TMEM182: variants seen among roughly 807,000 people sequenced by gnomAD.
TMEM182 encodes transmembrane protein 182.
Under a neutral mutation model 26.8 loss-of-function variants are expected in TMEM182, and 20 were observed. The observed-to-expected ratio is 0.75, with a 90% CI of 0.53 to 1.09. The LOEUF (loss-of-function observed/expected upper bound fraction) is 1.09. Ranked by LOEUF, TMEM182 falls within the 50% of genes least tolerant of loss-of-function variation. The pLI, the probability that TMEM182 is intolerant of heterozygous loss-of-function variation, is 0.00. For synonymous variants in TMEM182, 109 were observed against 102.2 expected, an observed-to-expected ratio of 1.07 and a Z score of -0.40; for missense variants, 277 against 275.5, an observed-to-expected ratio of 1.01 and a Z score of -0.04.
chr2:102,751,390 A>G (rs1043100947), intron 1 of TMEM182, among the ~76,000 whole-genome samples: 19 of 152,088 alleles, frequency 1.2e-4, no homozygotes, highest in Admixed American at 1.0e-3. Flanking sequence ...GGGCTGTGTC[A>G]TCTGCTGCCT....
intron 4 of TMEM182, among the ~76,000 whole-genome samples, chr2:102,804,122 TC>T (rs1682259291): frequency 6.6e-6 from 1 of 152,206 alleles, no homozygotes; most frequent in African/African-American, 2.4e-5. Flanking sequence ...TTCTTTTTTT[TC>T]CTTCACATTT....
At chr2:102,838,973 G>A (rs1449662132) in intron 3 of TMEM182, among the ~76,000 whole-genome samples, 1 of 152,224 alleles carries the variant, frequency 6.6e-6, no homozygotes, top group Non-Finnish European at 1.5e-5. Context: ...TTTCATCTGA[G>A]TGAATACCAT....
chr2:102,780,191 AT>A (rs1305734226), intron 3 of TMEM182, among the ~76,000 whole-genome samples: 1 of 151,844 alleles, frequency 6.6e-6, no homozygotes, highest in African/African-American at 2.4e-5. Flanking sequence ...ATTACTAATG[AT>A]TTTTTTATTG....
At chr2:102,835,178 A>G (rs1245270976) in intron 3 of TMEM182, among the ~76,000 whole-genome samples, 3 of 152,228 alleles carry the variant, frequency 2.0e-5, no homozygotes, top group Admixed American at 6.5e-5. Flanking sequence ...GGAGGCCAGG[A>G]TAATACAAAT....
chr2:102,824,803 G>A (rs1165625211), intron 3 of TMEM182, among the ~76,000 whole-genome samples: 1 of 152,140 alleles, frequency 6.6e-6, no homozygotes, highest in Non-Finnish European at 1.5e-5. Context: ...CTCCAGCCTG[G>A]TGACAGAGCA....
At chr2:102,773,286 T>A (rs1680759820) in intron 3 of TMEM182, among the ~76,000 whole-genome samples, 1 of 151,814 alleles carries the variant, frequency 6.6e-6, no homozygotes, top group African/African-American at 2.4e-5. Flanking sequence ...GCTTGGCCGA[T>A]TACACAGTAG....
chr2:102,753,524 T>A (rs1679940093), intron 1 of TMEM182, among the ~76,000 whole-genome samples: 1 of 139,234 alleles, frequency 7.2e-6, no homozygotes, highest in African/African-American at 2.8e-5. Context: ...GTTGTTCTAC[T>A]ATATGTATTT....
At chr2:102,779,146 G>A (rs1423005494) in intron 3 of TMEM182, among the ~76,000 whole-genome samples, 1 of 151,916 alleles carries the variant, frequency 6.6e-6, no homozygotes, top group East Asian at 1.9e-4. Flanking sequence ...AAAATGTTAT[G>A]CCACTTTTTC....
intron 3 of TMEM182, among the ~76,000 whole-genome samples, chr2:102,795,125 A>G (rs1681814541): frequency 6.6e-6 from 1 of 152,120 alleles, no homozygotes; most frequent in Non-Finnish European, 1.5e-5. Flanking sequence ...GTGTTTTCTA[A>G]TTCTAAAATT....
intron 3 of TMEM182, among the ~76,000 whole-genome samples, chr2:102,829,236 G>T (rs1353652231): frequency 6.6e-6 from 1 of 152,150 alleles, no homozygotes; most frequent in South Asian, 2.1e-4. Context: ...AGGCTTAGGG[G>T]ACAGTCATGT....
chr2:102,740,035 T>G (rs1679499480), intron 1 of TMEM182, among the ~76,000 whole-genome samples: 1 of 152,118 alleles, frequency 6.6e-6, no homozygotes, highest in South Asian at 2.1e-4. Context: ...CTGAAAAATA[T>G]TGCTCAGAAA....
chr2:102,750,055 C>T (rs944294304), intron 1 of TMEM182, among the ~76,000 whole-genome samples: 21 of 150,834 alleles, frequency 1.4e-4, no homozygotes, highest in African/African-American at 4.9e-4. Flanking sequence ...TTAAATGAAG[C>T]AGGAAAAGAT....
In TMEM182 at chr2:102,764,328, G is replaced by T. The variant is rs1553437680; in HGVS notation, c.233-1G>T. 30 of 1,613,620 alleles carry T rather than the reference G, an allele frequency of 1.9e-5. No individual in the cohort carries two copies. The highest frequency in any genetic ancestry group is 2.5e-5 in the Non-Finnish European group (30 of 1,179,764). On this transcript the variant is annotated splice_acceptor_variant, in intron 2 of 4. Coordinates refer to ENST00000412401, the MANE Select transcript of TMEM182 (RefSeq NM_144632.5). LOFTEE classifies it high-confidence loss of function. ...TGCCATTGTTTTGCTGTTCTTCCTA[G>T]CCAATCAGCCACCGTCCAAGAACTG...
intron 3 of TMEM182, among the ~76,000 whole-genome samples, chr2:102,822,752 G>C (rs1458546274): frequency 1.3e-5 from 2 of 152,134 alleles, no homozygotes; most frequent in Non-Finnish European, 2.9e-5. Flanking sequence ...GAAGTGGATG[G>C]TGTGAAGAGG....
intron 3 of TMEM182, chr2:102,843,353 G>A (rs917833960): frequency 3.3e-5 from 5 of 152,064 alleles, no homozygotes; most frequent in East Asian, 3.8e-4. Flanking sequence ...CATAATTCTC[G>A]GTCATAATTT....
chr2:102,750,979 C>T (rs1679859814), intron 1 of TMEM182, among the ~76,000 whole-genome samples: 1 of 152,156 alleles, frequency 6.6e-6, no homozygotes, highest in African/African-American at 2.4e-5. Context: ...ATATAGCCGC[C>T]TTCTTGCTGT....
intron 3 of TMEM182, among the ~76,000 whole-genome samples, chr2:102,797,455 T>C (rs1353089950): frequency 6.6e-6 from 1 of 152,176 alleles, no homozygotes; most frequent in African/African-American, 2.4e-5. Context: ...TTGTAAATAA[T>C]GTGAATGCAT....
At chr2:102,781,332 C>T (rs1269178263) in intron 3 of TMEM182, among the ~76,000 whole-genome samples, 2 of 151,902 alleles carry the variant, frequency 1.3e-5, no homozygotes, top group Admixed American at 6.6e-5. Context: ...GAAGGAAGAC[C>T]GAGGTTGAGC....
intron 3 of TMEM182, among the ~76,000 whole-genome samples, chr2:102,787,425 G>T (rs1305036508): frequency 6.6e-6 from 1 of 152,118 alleles, no homozygotes; most frequent in Non-Finnish European, 1.5e-5. Flanking sequence ...CCATCATGAG[G>T]ACCCTACTCT....
Sources: allele counts gnomAD v4.1 joint callset (sites outside exome capture counted in the v4.1 genomes callset), GRCh38; gene constraint gnomAD v4.1.1; transcripts MANE v1.5; gene names NCBI Gene and HGNC (gene_info 2026-07-23, HGNC 2026-07-21).